The following AP3B1 variants were observed in gnomAD, a reference collection of about 807,000 sequenced individuals.
AP3B1 encodes the protein AP-3 complex subunit beta-1.
AP3B1 carries 61 observed loss-of-function variants against 132.5 expected under a neutral mutation model. That is an observed-to-expected ratio of 0.46 (90% confidence interval 0.37 to 0.57). The LOEUF is 0.57. Among genes scored for constraint, AP3B1 ranks in the 20% least tolerant of loss-of-function variants. AP3B1 has a pLI of 0.00. For synonymous variants in AP3B1, 388 were observed against 438.3 expected, an observed-to-expected ratio of 0.89 and a Z score of 1.43; for missense variants, 1,120 against 1,289.4, an observed-to-expected ratio of 0.87 and a Z score of 2.01.
rs143052996 is a variant in AP3B1, at chr5:78,171,514, A to G, written c.1167+4112T>C. 4.4e-3 allele frequency among the ~76,000 whole-genome samples: 674 copies of G among 152,104 alleles called. 3 individuals carry two copies. Among genetic ancestry groups the G allele is most frequent in the African/African-American group, 0.015 (626 of 41,480 alleles). On this transcript the variant is annotated intron_variant, in intron 11 of 26. Transcript: ENST00000255194. ...TCATAGCAATTGTGAATGGGAGTTCACTCATTAATTTGGCTTTCTGTTTGT... is the reference window on the plus strand; with the variant it reads ...TCATAGCAATTGTGAATGGGAGTTCGCTCATTAATTTGGCTTTCTGTTTGT...
intron 3 of AP3B1, among the ~76,000 whole-genome samples, chr5:78,237,912 A>C (rs1746950972): frequency 6.6e-6 from 1 of 152,224 alleles, no homozygotes; most frequent in Admixed American, 6.5e-5. Flanking sequence ...GGACAATTTC[A>C]TTGTTGTGCA....
chr5:78,242,514 C>T (rs920664874), intron 2 of AP3B1, among the ~76,000 whole-genome samples: 1 of 152,164 alleles, frequency 6.6e-6, no homozygotes, highest in Non-Finnish European at 1.5e-5. Context: ...TCGAGCGATT[C>T]TCCTGCTTCA....
chr5:78,244,049 G>A (rs180896424), intron 2 of AP3B1, among the ~76,000 whole-genome samples: 1 of 152,218 alleles, frequency 6.6e-6, no homozygotes, highest in Non-Finnish European at 1.5e-5. Context: ...AGCACAGTGA[G>A]AATGGGCTAG....
At chr5:78,078,178 G>A (rs553107094) in intron 22 of AP3B1, among the ~76,000 whole-genome samples, 1 of 152,236 alleles carries the variant, frequency 6.6e-6, no homozygotes, top group East Asian at 1.9e-4. Flanking sequence ...AAGCACCTCA[G>A]AGTAACATGT....
chr5:78,244,398 G>A (rs989484692), intron 2 of AP3B1, among the ~76,000 whole-genome samples: 1 of 151,598 alleles, frequency 6.6e-6, no homozygotes, highest in Non-Finnish European at 1.5e-5. Flanking sequence ...GTGTGACAGA[G>A]TTTGAGACTC....
At chr5:78,276,815 G>A (rs1748796239) in intron 1 of AP3B1, among the ~76,000 whole-genome samples, 1 of 151,494 alleles carries the variant, frequency 6.6e-6, no homozygotes, top group Non-Finnish European at 1.5e-5. Flanking sequence ...GCGGCAGTGA[G>A]CCAAGATCGC....
intron 1 of AP3B1, among the ~76,000 whole-genome samples, chr5:78,271,569 A>C (rs1259706853): frequency 6.6e-6 from 1 of 152,196 alleles, no homozygotes; most frequent in African/African-American, 2.4e-5. Context: ...ATTTACCTTT[A>C]ATTTAAAATG....
At chr5:78,069,240 T>G (rs1200663920) in intron 22 of AP3B1, among the ~76,000 whole-genome samples, 4 of 152,188 alleles carry the variant, frequency 2.6e-5, no homozygotes, top group African/African-American at 7.2e-5. Flanking sequence ...TTCAACATAG[T>G]ATTGGAAGTT....
chr5:78,071,946 T>C lies in AP3B1; in HGVS notation c.2577+17447A>G, dbSNP rs145046197. The stretch of plus-strand genomic sequence containing the variant: ...TTCATAGCTAACAGCCTGAACTGAA[T>C]GTAAACTTTGATGTACTAGTTTATA... On this transcript the variant is annotated intron_variant, in intron 22 of 26. Coordinates refer to ENST00000255194, the MANE Select transcript of AP3B1 (RefSeq NM_003664.5). Among the ~76,000 whole-genome samples, 225 of 152,348 alleles carry C rather than the reference T, an allele frequency of 1.5e-3. 2 individuals carry two copies. The highest frequency in any genetic ancestry group is 5.2e-3 in the African/African-American group (216 of 41,588).
chr5:78,063,323 A>G (rs1474739739), intron 22 of AP3B1, among the ~76,000 whole-genome samples: 1 of 152,230 alleles, frequency 6.6e-6, no homozygotes, highest in East Asian at 1.9e-4. Flanking sequence ...CAGGCTACAT[A>G]ATCTTCAAAT....
At chr5:78,106,093 G>C (rs927587091) in intron 20 of AP3B1, among the ~76,000 whole-genome samples, 1 of 152,122 alleles carries the variant, frequency 6.6e-6, no homozygotes, top group Non-Finnish European at 1.5e-5. Context: ...CAAAAAGAAA[G>C]AACAAAGGCA....
At chr5:78,166,125 A>T (rs1366869871) in intron 11 of AP3B1, among the ~76,000 whole-genome samples, 80 of 1,458 alleles carry the variant, frequency 0.055, no homozygotes, top group African/African-American at 0.085. Flanking sequence ...TGTCACACAC[A>T]CACACACACA....
At chr5:78,053,006 T>C (rs1748646827) in intron 22 of AP3B1, among the ~76,000 whole-genome samples, 1 of 152,218 alleles carries the variant, frequency 6.6e-6, no homozygotes, top group Admixed American at 6.5e-5. Context: ...AACAAATTTC[T>C]TTAGAACCCA....
intron 21 of AP3B1, among the ~76,000 whole-genome samples, chr5:78,096,035 TC>T (rs919622761): frequency 6.6e-6 from 1 of 152,156 alleles, no homozygotes; most frequent in Admixed American, 6.5e-5. Flanking sequence ...CCTCTCCCTC[TC>T]CCCACGGTCT....
At chr5:78,201,395 C>A (rs893098223) in intron 7 of AP3B1, among the ~76,000 whole-genome samples, 1 of 151,926 alleles carries the variant, frequency 6.6e-6, no homozygotes, top group African/African-American at 2.4e-5. Context: ...TGGAAATAGC[C>A]CAGTATTTAT....
chr5:78,177,163 G>A (rs1744179125), intron 9 of AP3B1, among the ~76,000 whole-genome samples, 176 bp downstream of exon 9: 1 of 152,210 alleles, frequency 6.6e-6, no homozygotes, highest in Non-Finnish European at 1.5e-5. Flanking sequence ...TTATCATTAA[G>A]TTTGAGATAA....
chr5:78,019,696 T>C lies in AP3B1; in HGVS notation c.2992+996A>G, dbSNP rs79278934. 2.7e-3 allele frequency among the ~76,000 whole-genome samples: 412 copies of C among 152,300 alleles called. 1 individual carries two copies. Among genetic ancestry groups the C allele is most frequent in the Non-Finnish European group, 5.0e-3 (339 of 68,000 alleles). On this transcript the variant is annotated intron_variant, in intron 25 of 26. Coordinates refer to ENST00000255194, the MANE Select transcript of AP3B1 (RefSeq NM_003664.5). ...CAGCAAAAATATTACTATTAATTTA[T>C]GGACTTGTATGAGATTTTCTTTTTG...
intron 2 of AP3B1, among the ~76,000 whole-genome samples, chr5:78,244,419 GA>G (rs146775556): frequency 1.3e-4 from 18 of 143,512 alleles, no homozygotes; most frequent in Admixed American, 8.3e-4. Flanking sequence ...CAACTCAAAA[GA>G]AAAAAAAAAG....
At chr5:78,168,022 A>C (rs1416947977) in intron 11 of AP3B1, among the ~76,000 whole-genome samples, 2 of 150,448 alleles carry the variant, frequency 1.3e-5, no homozygotes, top group Admixed American at 6.6e-5. Flanking sequence ...TGAAAAAAAA[A>C]AAAAAACAAA....
Sources: allele counts gnomAD v4.1 joint callset (sites outside exome capture counted in the v4.1 genomes callset), GRCh38; gene constraint gnomAD v4.1.1; transcripts MANE v1.5; gene names NCBI Gene and HGNC (gene_info 2026-07-23, HGNC 2026-07-21).